Variants in GPHN observed in about 807,000 individuals in gnomAD.
The protein encoded by GPHN is gephyrin.
Under a neutral mutation model 95.5 loss-of-function variants are expected in GPHN, and 17 were observed. The observed-to-expected ratio is 0.18, with a 90% confidence interval of 0.12 to 0.27. GPHN has a LOEUF of 0.27. GPHN is among the 10% of genes least tolerant of loss of function. The pLI, the probability that GPHN is intolerant of heterozygous loss-of-function variation, is 1.00. For missense variants in GPHN, 660 were observed against 978.1 expected (o/e 0.67, Z 4.34); for synonymous variants, 320 against 322.5 (o/e 0.99, Z 0.08).
At chr14:66,911,497 GAGA>G (rs1596347313) in intron 5 of GPHN, among the ~76,000 whole-genome samples, 1 of 152,044 alleles carries the variant, frequency 6.6e-6, no homozygotes, top group East Asian at 1.9e-4. Flanking sequence ...TAGTTATTTG[GAGA>G]AGAAGGGACT....
the GPHN span, among the ~76,000 whole-genome samples, chr14:67,308,315 TTTTTTTTTTTTTTC>T: frequency 1.5e-5 from 1 of 65,652 alleles, no homozygotes; most frequent in Non-Finnish European, 2.9e-5. Flanking sequence ...CCAAACTTCC[TTTTTTTTTTTTTTC>T]TTTTTTTTCT....
the GPHN span, among the ~76,000 whole-genome samples, chr14:67,345,241 C>A: frequency 3.4e-5 from 5 of 148,754 alleles, no homozygotes; most frequent in Non-Finnish European, 6.0e-5. Flanking sequence ...GACCCCATTT[C>A]GAAAAATAAA....
intron 1 of GPHN, among the ~76,000 whole-genome samples, chr14:66,671,609 C>T (rs1456260166): frequency 1.3e-5 from 2 of 152,120 alleles, no homozygotes. Context: ...GAAATCTTTA[C>T]ATCAGTTTCT....
the GPHN span, among the ~76,000 whole-genome samples, chr14:67,657,678 T>C: frequency 6.6e-6 from 1 of 151,540 alleles, no homozygotes; most frequent in Admixed American, 6.6e-5. Context: ...AAGTGACCAC[T>C]GGCAGTAGGA....
the GPHN span, chr14:67,383,790 G>T: frequency 4.8e-5 from 14 of 292,358 alleles, no homozygotes; most frequent in South Asian, 4.6e-4. Flanking sequence ...GGGCATCCAA[G>T]GCAAACAATC....
At chr14:67,075,637 A>G (rs1264839319) in intron 11 of GPHN, among the ~76,000 whole-genome samples, 4 of 152,204 alleles carry the variant, frequency 2.6e-5, no homozygotes, top group African/African-American at 7.2e-5. Flanking sequence ...GAGGAGGTCA[A>G]ATATCAACAT....
the GPHN span, among the ~76,000 whole-genome samples, chr14:67,642,790 TTTC>T: frequency 1.6e-4 from 20 of 129,020 alleles, no homozygotes; most frequent in African/African-American, 3.7e-4. Flanking sequence ...GTTACTACAT[TTTC>T]TTTTTTTTTT....
the GPHN span, among the ~76,000 whole-genome samples, chr14:67,707,502 C>T: frequency 6.6e-6 from 1 of 152,158 alleles, no homozygotes; most frequent in East Asian, 1.9e-4. Context: ...GATCTCAGCT[C>T]ACTGCAACCT....
At chr14:67,514,384 TC>T in the GPHN span, among the ~76,000 whole-genome samples, 2 of 151,876 alleles carry the variant, frequency 1.3e-5, no homozygotes, top group African/African-American at 4.8e-5. Context: ...GCTGTAACAC[TC>T]CCCATCCCAG....
intron 8 of GPHN, among the ~76,000 whole-genome samples, chr14:66,942,006 G>T (rs1373125825): frequency 6.6e-6 from 1 of 152,144 alleles, no homozygotes; most frequent in Non-Finnish European, 1.5e-5. Flanking sequence ...AAGTCTTTGT[G>T]TTGTTGTTTA....
chr14:67,095,772 A>G (rs1340197371), intron 12 of GPHN, among the ~76,000 whole-genome samples: 1 of 151,844 alleles, frequency 6.6e-6, no homozygotes, highest in Non-Finnish European at 1.5e-5. Context: ...CACTCTGGGG[A>G]CTGTTGTGGG....
the GPHN span, among the ~76,000 whole-genome samples, chr14:67,403,510 G>A: frequency 5.3e-5 from 8 of 152,156 alleles, no homozygotes; most frequent in African/African-American, 1.7e-4. Context: ...TCTCTGTCCT[G>A]TCAAATATTC....
the GPHN span, among the ~76,000 whole-genome samples, chr14:67,187,074 G>A: frequency 6.6e-6 from 1 of 152,246 alleles, no homozygotes. Flanking sequence ...AATATAGTTG[G>A]AAAGAACTGA....
the GPHN span, among the ~76,000 whole-genome samples, chr14:67,605,132 A>G: frequency 3.3e-4 from 51 of 152,288 alleles, no homozygotes; most frequent in Non-Finnish European, 6.0e-4. Context: ...CTTGGATTGT[A>G]CTGAATCTAT....
intron 9 of GPHN, among the ~76,000 whole-genome samples, chr14:66,971,252 C>T (rs530091346): frequency 4.6e-5 from 7 of 152,282 alleles, no homozygotes; most frequent in East Asian, 3.9e-4. Context: ...CGCTTGAACA[C>T]GGGAGGCGGA....
intron 1 of GPHN, among the ~76,000 whole-genome samples, chr14:66,658,166 A>G: frequency 6.6e-6 from 1 of 152,158 alleles, no homozygotes; most frequent in Admixed American, 6.5e-5. Context: ...ATGTGGTAAA[A>G]ATAGCAAGAG....
At chr14:66,691,374 A>G (rs1321133684) in intron 2 of GPHN, among the ~76,000 whole-genome samples, 7 of 151,532 alleles carry the variant, frequency 4.6e-5, no homozygotes, top group Non-Finnish European at 1.0e-4. Flanking sequence ...CGGTAGAGAC[A>G]AGGTTTCACC....
At chr14:67,392,604 T>C in the GPHN span, 2 of 1,495,610 alleles carry the variant, frequency 1.3e-6, no homozygotes, top group Non-Finnish European at 9.2e-7. Flanking sequence ...GCCCCCATTC[T>C]GTTGTGTCTT....
the GPHN span, among the ~76,000 whole-genome samples, chr14:67,630,888 A>G: frequency 6.6e-6 from 1 of 152,074 alleles, no homozygotes; most frequent in African/African-American, 2.4e-5. Context: ...CCGCCCATGT[A>G]GCATGTAGAA....
Sources: allele counts gnomAD v4.1 joint callset (sites outside exome capture counted in the v4.1 genomes callset), GRCh38; gene constraint gnomAD v4.1.1; transcripts MANE v1.5; gene names NCBI Gene and HGNC (gene_info 2026-07-23, HGNC 2026-07-21).